Variants in ITFG1 observed in about 807,000 individuals in gnomAD.
ITFG1 encodes integrin alpha FG-GAP repeat containing 1.
A neutral mutation model predicts 81.8 loss-of-function variants in ITFG1; 34 were observed. That is an observed-to-expected ratio of 0.42 (90% CI 0.32 to 0.55). The LOEUF is 0.55. Ranked by LOEUF, ITFG1 falls within the 20% of genes least tolerant of loss-of-function variation. The pLI is 0.17. For missense variants in ITFG1, 672 were observed against 755.4 expected, an observed-to-expected ratio of 0.89 and a Z score of 1.29; for synonymous variants, 285 against 270.6, an observed-to-expected ratio of 1.05 and a Z score of -0.52.
intron 12 of ITFG1, among the ~76,000 whole-genome samples, chr16:47,238,735 G>T (rs1336458889): frequency 6.6e-6 from 1 of 151,804 alleles, no homozygotes; most frequent in Non-Finnish European, 1.5e-5. Flanking sequence ...GTTCTCAGTG[G>T]GCACAAATTA....
chr16:47,245,523 C>T (rs1218620424), intron 12 of ITFG1, among the ~76,000 whole-genome samples: 2 of 151,822 alleles, frequency 1.3e-5, no homozygotes, highest in Non-Finnish European at 2.9e-5. Flanking sequence ...AATTTTTTTT[C>T]CTCCTAAAAA....
In ITFG1 at chr16:47,238,000, C is replaced by A; in HGVS notation, c.1339G>T (p.Gly447Cys). 1 of 1,470,662 alleles carries A rather than the reference C, an allele frequency of 6.8e-7. No homozygotes were observed. The highest frequency in any genetic ancestry group is 2.5e-5 in the East Asian group (1 of 40,644). 91.1% of individuals were successfully genotyped at this position (1,470,662 alleles called of 1,614,324 possible). Residue 447 changes from glycine to cysteine, a missense_variant, in exon 13 of 18, where the codon GGT becomes TGT. Transcript: ENST00000320640. ...AYFVKVIVLS[G>C]LCSNDCPRKI... ...CGAGGACAGTCATTAGAACACAGACCACTAAGAACTGTGGAAAAATAAACA... is the reference window on the plus strand; with the variant it reads ...CGAGGACAGTCATTAGAACACAGACAACTAAGAACTGTGGAAAAATAAACA...
intron 6 of ITFG1, among the ~76,000 whole-genome samples, chr16:47,378,555 G>T (rs1207831863): frequency 1.3e-5 from 2 of 152,160 alleles, no homozygotes; most frequent in African/African-American, 2.4e-5. Flanking sequence ...CATATTTAAA[G>T]AATTTAGGAA....
chr16:47,387,937 TAAA>T (rs373555650), intron 6 of ITFG1, among the ~76,000 whole-genome samples: 1 of 141,828 alleles, frequency 7.1e-6, no homozygotes, highest in South Asian at 2.2e-4. Context: ...ACAAATATGT[TAAA>T]AAAAAAAAAG....
chr16:47,231,490 C>T (rs982650613), intron 13 of ITFG1, among the ~76,000 whole-genome samples: 5 of 152,034 alleles, frequency 3.3e-5, no homozygotes, highest in African/African-American at 9.7e-5. Flanking sequence ...TGATATTTAC[C>T]ATATCCATAT....
intron 13 of ITFG1, among the ~76,000 whole-genome samples, chr16:47,226,524 C>T (rs1431205123): frequency 9.1e-6 from 1 of 109,822 alleles, no homozygotes; most frequent in Non-Finnish European, 1.8e-5. Flanking sequence ...CCTCCCCCCT[C>T]CCCCCACCCC....
chr16:47,162,441 G>T, intron 15 of ITFG1, 99 bp downstream of exon 15: 1 of 1,057,396 alleles, frequency 9.5e-7, no homozygotes, highest in Non-Finnish European at 1.3e-6. Flanking sequence ...TGGTTTATTT[G>T]AATTCAAATT....
intron 8 of ITFG1, among the ~76,000 whole-genome samples, chr16:47,314,628 T>C (rs906465579): frequency 1.3e-5 from 2 of 152,166 alleles, no homozygotes; most frequent in African/African-American, 2.4e-5. Context: ...TCTCTAGTGC[T>C]CTCTCCCATC....
chr16:47,451,440 A>G lies in ITFG1; in HGVS notation c.516T>C (p.Phe172=). 1 of 1,583,592 alleles carries G rather than the reference A, an allele frequency of 6.3e-7. No individual in the cohort carries two copies. The highest frequency in any genetic ancestry group is 8.7e-7 in the Non-Finnish European group (1 of 1,153,168). Reference sequence around the variant, plus strand: ...GCTGGTTGGATTCATTTGTGATACCAAAAATATCAGGAATTAGATCACCAT... The same window carrying G: ...GCTGGTTGGATTCATTTGTGATACCGAAAATATCAGGAATTAGATCACCAT... ...DFNGDLIPDI[F]GITNESNQPQ... is the part of the protein sequence containing the mutation. Residue 172 remains phenylalanine (F), a synonymous_variant, in exon 5 of 18, where the codon TTT becomes TTC. Coordinates refer to ENST00000320640, the MANE Select transcript of ITFG1 (RefSeq NM_030790.5).
At chr16:47,345,281 CA>C (rs894306197) in intron 8 of ITFG1, among the ~76,000 whole-genome samples, 1 of 148,412 alleles carries the variant, frequency 6.7e-6, no homozygotes, top group African/African-American at 2.6e-5. Flanking sequence ...AAAAAAATTG[CA>C]AAAAAACTCT....
At chr16:47,323,867 G>A (rs549376514) in intron 8 of ITFG1, among the ~76,000 whole-genome samples, 6 of 152,012 alleles carry the variant, frequency 3.9e-5, no homozygotes, top group Non-Finnish European at 7.4e-5. Flanking sequence ...TTTACTTTCT[G>A]AAGTCTGGAA....
At chr16:47,297,990 A>G (rs1490557346) in intron 10 of ITFG1, among the ~76,000 whole-genome samples, 1 of 152,144 alleles carries the variant, frequency 6.6e-6, no homozygotes, top group African/African-American at 2.4e-5. Context: ...AATCATTACT[A>G]TGTAGTACAT....
chr16:47,296,858 A>G (rs1390525313), intron 10 of ITFG1, among the ~76,000 whole-genome samples: 1 of 152,236 alleles, frequency 6.6e-6, no homozygotes, highest in African/African-American at 2.4e-5. Flanking sequence ...TTGTGGTAAC[A>G]TATGGTCTAT....
chr16:47,439,229 G>A (rs1240322290), intron 5 of ITFG1, among the ~76,000 whole-genome samples: 1 of 152,146 alleles, frequency 6.6e-6, no homozygotes. Context: ...TGAAAGTGAT[G>A]GGGAGAATGG....
chr16:47,444,562 T>C (rs9932230), intron 5 of ITFG1, among the ~76,000 whole-genome samples: 18,140 of 152,114 alleles, frequency 0.12, 2,393 homozygotes, highest in African/African-American at 0.33. Flanking sequence ...ATATATTAGG[T>C]GATAGTATTA....
Position 47,266,898 on chromosome 16 carries a change from G to C in ITFG1, c.1071-6203C>G, listed in dbSNP as rs549842212. On this transcript the variant is annotated intron_variant, in intron 10 of 17. Transcript: ENST00000320640. ...AAAGGAATCTATTATACAAAGACATGGCTGAACCTTAAAAACATGCTAAGT... is the reference window on the plus strand; with the variant it reads ...AAAGGAATCTATTATACAAAGACATCGCTGAACCTTAAAAACATGCTAAGT... Among the ~76,000 whole-genome samples, 16 of 152,268 alleles carry C rather than the reference G, an allele frequency of 1.1e-4. No individual in the cohort carries two copies. In the East Asian group the frequency reaches 2.7e-3, roughly 26 times the overall value.
At chr16:47,383,413 C>T (rs1340096684) in intron 6 of ITFG1, among the ~76,000 whole-genome samples, 1 of 152,210 alleles carries the variant, frequency 6.6e-6, no homozygotes, top group Non-Finnish European at 1.5e-5. Flanking sequence ...ACTAAGGTTA[C>T]TTAACTTTCA....
intron 10 of ITFG1, among the ~76,000 whole-genome samples, chr16:47,268,595 A>G (rs1420104634): frequency 1.3e-5 from 2 of 152,246 alleles, no homozygotes; most frequent in African/African-American, 4.8e-5. Flanking sequence ...GGTGTTTTAA[A>G]ACAAAATTCT....
chr16:47,348,318 G>C (rs1240641771), intron 8 of ITFG1, among the ~76,000 whole-genome samples: 1 of 152,132 alleles, frequency 6.6e-6, no homozygotes, highest in Non-Finnish European at 1.5e-5. Context: ...CTTGAAAAAA[G>C]ATTAGACAAA....
Sources: gnomAD v4.1 joint callset for allele counts (sites outside exome capture counted in the v4.1 genomes callset) on GRCh38, gnomAD v4.1.1 for gene constraint, MANE v1.5 for transcripts, NCBI Gene and HGNC (gene_info 2026-07-23, HGNC 2026-07-21) for gene names.